The following EGFR variants were observed in gnomAD, a reference collection of about 807,000 sequenced individuals.
EGFR encodes the protein avian erythroblastic leukemia viral (v-erb-b) oncogene homolog.
In EGFR, 58 loss-of-function variants were observed where a neutral mutation model predicts 143.0. The observed-to-expected ratio is 0.41, with a 90% CI of 0.33 to 0.50. The LOEUF is 0.50. EGFR is among the 20% of genes least tolerant of loss of function. The pLI is 0.39. For missense variants in EGFR, 1,307 were observed against 1,579.0 expected, an observed-to-expected ratio of 0.83 and a Z score of 2.92; for synonymous variants, 613 against 594.4, an observed-to-expected ratio of 1.03 and a Z score of -0.45.
At chr7:55,061,756 G>A (rs1789197373) in intron 1 of EGFR, among the ~76,000 whole-genome samples, 1 of 151,926 alleles carries the variant, frequency 6.6e-6, no homozygotes, top group African/African-American at 2.4e-5. Flanking sequence ...GCTAAAAGAT[G>A]GGAAAGGTAG....
intron 17 of EGFR, among the ~76,000 whole-genome samples, 185 bp downstream of exon 17, chr7:55,173,309 T>A (rs979405730): frequency 1.3e-5 from 2 of 152,340 alleles, no homozygotes; most frequent in South Asian, 2.1e-4. Context: ...TCCGAGGAAA[T>A]GGCAATGTTT....
intron 20 of EGFR, 22 bp downstream of exon 20, chr7:55,181,500 G>A (rs750802091): frequency 6.2e-6 from 10 of 1,614,156 alleles, no homozygotes; most frequent in Admixed American, 3.3e-5. Context: ...AGGGAGATAC[G>A]GGGAGGGGAG....
intron 1 of EGFR, among the ~76,000 whole-genome samples, chr7:55,033,416 C>T (rs1196241296): frequency 6.6e-6 from 1 of 152,182 alleles, no homozygotes; most frequent in African/African-American, 2.4e-5. Context: ...TGGCCTTGAA[C>T]TCAGGGCCCC....
At chr7:55,066,541 G>A (rs1282475896) in intron 1 of EGFR, among the ~76,000 whole-genome samples, 4 of 152,200 alleles carry the variant, frequency 2.6e-5, no homozygotes, top group Admixed American at 6.5e-5. Flanking sequence ...TCACTGTAAC[G>A]AATTATCTTT....
chr7:55,078,615 C>A (rs2128888475), intron 1 of EGFR, among the ~76,000 whole-genome samples: 1 of 152,326 alleles, frequency 6.6e-6, no homozygotes, highest in East Asian at 1.9e-4. Context: ...GCCACACGGG[C>A]ACCACCACTG....
chr7:55,183,459 A>AC (rs1312853945), intron 20 of EGFR, among the ~76,000 whole-genome samples: 2 of 152,240 alleles, frequency 1.3e-5, no homozygotes, highest in East Asian at 3.9e-4. Flanking sequence ...GATTTGCAAA[A>AC]CCCCATTTCC....
intron 1 of EGFR, among the ~76,000 whole-genome samples, chr7:55,139,539 A>C (rs1446585288): frequency 6.6e-6 from 1 of 152,244 alleles, no homozygotes; most frequent in Admixed American, 6.5e-5. Context: ...GGAAAGCCTC[A>C]GAAGAAACAA....
At chr7:55,179,771 A>G (rs1168159704) in intron 19 of EGFR, 3 of 152,238 alleles carry the variant, frequency 2.0e-5, no homozygotes, top group Non-Finnish European at 4.4e-5. Flanking sequence ...CTGAACATAT[A>G]CGGACTTTTT....
chr7:55,048,579 A>C (rs1056633309), intron 1 of EGFR, among the ~76,000 whole-genome samples: 1 of 152,204 alleles, frequency 6.6e-6, no homozygotes, highest in Non-Finnish European at 1.5e-5. Flanking sequence ...CTCTTTATAC[A>C]CAGACTGGAT....
chr7:55,108,429 T>G (rs900299787), intron 1 of EGFR, among the ~76,000 whole-genome samples: 1 of 152,226 alleles, frequency 6.6e-6, no homozygotes, highest in African/African-American at 2.4e-5. Context: ...ATGGCTGCCA[T>G]GAGCATCCTT....
chr7:55,078,746 A>G (rs1790281413), intron 1 of EGFR, among the ~76,000 whole-genome samples: 1 of 152,132 alleles, frequency 6.6e-6, no homozygotes, highest in African/African-American at 2.4e-5. Context: ...GAGGACAGAG[A>G]GGGGACATCC....
rs917094768 is a variant in EGFR, at chr7:55,094,284, G to A, written c.89-48002G>A. Among the ~76,000 whole-genome samples, 5 of 152,132 alleles carry A rather than the reference G, an allele frequency of 3.3e-5. No individual in the cohort carries two copies. In the South Asian group the frequency reaches 6.2e-4, roughly 19 times the overall value. On this transcript the variant is annotated intron_variant, in intron 1 of 27. Coordinates refer to ENST00000275493, the MANE Select transcript of EGFR (RefSeq NM_005228.5). ...AGATAGCTCTTGGTCTGTCATCCACGCAGCTGCCTGGTGCAAGAGCCAAGT... is the reference window on the plus strand; with the variant it reads ...AGATAGCTCTTGGTCTGTCATCCACACAGCTGCCTGGTGCAAGAGCCAAGT...
intron 20 of EGFR, among the ~76,000 whole-genome samples, chr7:55,187,383 C>G (rs1387287294): frequency 1.3e-5 from 2 of 152,208 alleles, no homozygotes; most frequent in Non-Finnish European, 2.9e-5. Context: ...GTTTACGTCA[C>G]TTGCCAAGAT....
At chr7:55,074,749 A>G (rs1790040276) in intron 1 of EGFR, among the ~76,000 whole-genome samples, 1 of 152,186 alleles carries the variant, frequency 6.6e-6, no homozygotes, top group African/African-American at 2.4e-5. Context: ...TTAGTAAGCA[A>G]ATCAATTAGG....
chr7:55,064,400 G>A (rs1488867394), intron 1 of EGFR, among the ~76,000 whole-genome samples: 1 of 152,200 alleles, frequency 6.6e-6, no homozygotes, highest in Non-Finnish European at 1.5e-5. Context: ...AGCAGCTTGT[G>A]TTGCCTTGTT....
chr7:55,026,893 GCTTT>G (rs1006833040), intron 1 of EGFR, among the ~76,000 whole-genome samples: 4 of 150,850 alleles, frequency 2.7e-5, no homozygotes, highest in Admixed American at 2.6e-4. Flanking sequence ...AAAAAAAAAA[GCTTT>G]CTGCAGTGGC....
rs758357735 is a variant in EGFR at position 55,174,727 on chromosome 7, C to G, written c.2190C>G (p.Leu730=). The G allele has an allele frequency of 6.2e-7, 1 of 1,613,586 alleles. No homozygotes were observed. The highest frequency in any genetic ancestry group is 8.5e-7 in the Non-Finnish European group (1 of 1,179,554). Residue 730 remains leucine, a synonymous_variant, in exon 19 of 28, where the codon CTC becomes CTG. Transcript: ENST00000275493. ...SGAFGTVYKG[L]WIPEGEKVKI... is the part of the protein sequence containing the mutation. ...TCCTTCTCTCTCTGTCATAGGGACT[C>G]TGGATCCCAGAAGGTGAGAAAGTTA... is the stretch of plus-strand genomic sequence containing the variant.
rs2128968616 is a variant in EGFR at position 55,198,718 on chromosome 7, G to T, written c.2703G>T (p.Gly901=). 1 of 1,614,160 alleles carries T rather than the reference G, an allele frequency of 6.2e-7. No homozygotes were observed. Among genetic ancestry groups the T allele is most frequent in the East Asian group, 2.2e-5 (1 of 44,884 alleles). ...TCTTTTCTTGCTTCATCCTCTCAGG[G>T]GTGACTGTTTGGGAGTTGATGACCT... is the stretch of plus-strand genomic sequence containing the variant. ...YTHQSDVWSY[G]VTVWELMTFG... is the part of the protein sequence containing the mutation. The change falls in exon 23 of 28, where the codon GGG becomes GGT. Residue 901 remains glycine (G), a splice_region_variant and synonymous_variant. Coordinates refer to ENST00000275493, the MANE Select transcript of EGFR (RefSeq NM_005228.5).
chr7:55,146,675 G>A lies in EGFR; in HGVS notation c.494G>A (p.Arg165Gln), dbSNP rs761795138. The A allele has an allele frequency of 1.5e-5, 24 of 1,613,944 alleles. No individual in the cohort carries two copies. Among genetic ancestry groups the A allele is most frequent in the African/African-American group, 4.0e-5 (3 of 74,904 alleles). ...ALCNVESIQWRDIVSSDFLSN... is the reference protein window; with the variant it reads ...ALCNVESIQWQDIVSSDFLSN... ...TGCAACGTGGAGAGCATCCAGTGGC[G>A]GGACATAGTCAGCAGTGACTTTCTC... The change falls in exon 4 of 28, where the codon CGG becomes CAG. Residue 165 changes from arginine to glutamine, a missense_variant. Physicochemically the swap from Arg to Gln is conservative, Grantham distance 43. Coordinates refer to ENST00000275493, the MANE Select transcript of EGFR (RefSeq NM_005228.5).
Sources: allele counts gnomAD v4.1 joint callset (sites outside exome capture counted in the v4.1 genomes callset), GRCh38; gene constraint gnomAD v4.1.1; transcripts MANE v1.5; gene names NCBI Gene and HGNC (gene_info 2026-07-23, HGNC 2026-07-21).